Variants in PHF8 observed in about 807,000 individuals in gnomAD.
The protein encoded by PHF8 is PHD finger protein 8, also known as histone lysine demethylase PHF8.
A neutral mutation model predicts 74.4 loss-of-function variants in PHF8; 9 were observed. The observed-to-expected ratio is 0.12, with a 90% CI of 0.07 to 0.21. PHF8 has a LOEUF of 0.21. Among genes scored for constraint, PHF8 ranks in the 10% least tolerant of loss-of-function variants. The probability of loss-of-function intolerance (pLI) is 1.00; values close to 1 mark genes in which losing one functional copy is unlikely to be tolerated. For missense variants in PHF8, 478 were observed against 816.6 expected, an observed-to-expected ratio of 0.59 and a Z score of 5.05; for synonymous variants, 311 against 316.6, an observed-to-expected ratio of 0.98 and a Z score of 0.19.
chrX:53,971,514 C>CA (rs1356625524), intron 18 of PHF8, among the ~76,000 whole-genome samples: 4 of 110,279 alleles, frequency 3.6e-5, no homozygotes, highest in Admixed American at 9.7e-5. Context: ...AAAAACCCTT[C>CA]AAAAAAACAA....
intron 18 of PHF8, among the ~76,000 whole-genome samples, chrX:53,965,170 C>A (rs1214925224): frequency 9.0e-6 from 1 of 111,684 alleles, no homozygotes; most frequent in Non-Finnish European, 1.9e-5. Context: ...CGTGTGCACA[C>A]ACACACACGC....
At chrX:53,974,565 C>A (rs1188794359) in intron 18 of PHF8, among the ~76,000 whole-genome samples, 1 of 111,479 alleles carries the variant, frequency 9.0e-6, no homozygotes, top group African/African-American at 3.3e-5. Context: ...TGGATATATA[C>A]CCAAAGGAAT....
chrX:54,020,532 GAAC>G (rs1202149042), intron 4 of PHF8, among the ~76,000 whole-genome samples: 8 of 111,109 alleles, frequency 7.2e-5, no homozygotes, highest in African/African-American at 2.6e-4. Flanking sequence ...GCAAGATACA[GAAC>G]AATATATAGT....
rs1430317794 is a variant in PHF8, at chrX:54,011,878, AAAAG to A, written c.784-598_784-595del. On this transcript the variant is annotated intron_variant, in intron 7 of 21. Coordinates refer to ENST00000338154, the MANE Select transcript of PHF8 (RefSeq NM_015107.3). ...ATAATTTGGCAAAAAAAAAAAAAAAAAAAGAAAGAAACAAAAACCCAGTAGCACA... is the reference window on the plus strand; with the variant it reads ...ATAATTTGGCAAAAAAAAAAAAAAAAAAAGAAACAAAAACCCAGTAGCACA... 7.3e-5 allele frequency among the ~76,000 whole-genome samples: 8 copies of A among 109,961 alleles called. No individual in the cohort carries two copies. The East Asian group carries it at 1.1e-3, about 15-fold the overall frequency.
At position 53,938,118 on chromosome X, in the gene PHF8, G is replaced by A; in HGVS notation, c.*1040C>T. ...AGTCCTGAGGTCTTCTTCAGACCAA[G>A]ACCTCAGGTGGAGAAAGAAGCATGA... On this transcript the variant is annotated 3_prime_UTR_variant, in exon 22 of 22. Coordinates refer to ENST00000338154, the MANE Select transcript of PHF8 (RefSeq NM_015107.3). The A allele has an allele frequency of 8.7e-7, 1 of 1,148,905 alleles. No individual in the cohort carries two copies. Among genetic ancestry groups the A allele is most frequent in the Non-Finnish European group, 1.2e-6 (1 of 863,621 alleles). 94.7% of individuals were successfully genotyped at this position (1,148,905 alleles called of 1,213,427 possible).
intron 6 of PHF8, 73 bp downstream of exon 6, chrX:54,016,522 G>A (rs1032074888): frequency 2.1e-5 from 17 of 794,478 alleles, no homozygotes; most frequent in East Asian, 1.3e-4. Context: ...AGAGAAACAC[G>A]AATATACACT....
upstream of PHF8, among the ~76,000 whole-genome samples, chrX:54,046,301 A>C (rs1332875816): frequency 3.6e-5 from 4 of 110,858 alleles, no homozygotes; most frequent in Non-Finnish European, 7.6e-5. Flanking sequence ...TAAGAAAAAA[A>C]TAGCCGGGCG....
At chrX:53,956,527 T>C (rs2065015589) in intron 19 of PHF8, among the ~76,000 whole-genome samples, 1 of 111,881 alleles carries the variant, frequency 8.9e-6, no homozygotes, top group Admixed American at 9.6e-5. Flanking sequence ...ACATTAGATA[T>C]TTAAAAATTA....
Position 53,945,769 on chromosome X carries a change from C to G in PHF8, c.2540-1526G>C, listed in dbSNP as rs781981681. Among the ~76,000 whole-genome samples the G allele has an allele frequency of 7.2e-5, 8 of 111,292 alleles. No individual in the cohort carries two copies. In the South Asian group the frequency reaches 3.1e-3, roughly 43 times the overall value. On this transcript the variant is annotated intron_variant, in intron 19 of 21. Transcript: ENST00000338154. The stretch of plus-strand genomic sequence containing the variant: ...CTATCTTCCTTTTTGTCTGCCTATT[C>G]AAAACCTACCCATTCTTTAAGGTAA...
At chrX:53,997,989 C>T (rs2065773196) in intron 11 of PHF8, among the ~76,000 whole-genome samples, 1 of 112,133 alleles carries the variant, frequency 8.9e-6, no homozygotes. Flanking sequence ...TCACAGTATA[C>T]ACAGGAAAGG....
chrX:54,012,635 A>C (rs1557107016), intron 7 of PHF8, among the ~76,000 whole-genome samples: 1 of 111,402 alleles, frequency 9.0e-6, no homozygotes, highest in East Asian at 2.8e-4. Context: ...TGTCTCTACA[A>C]AAAATAAAGT....
chrX:54,015,160 CTCT>C (rs1335815192), intron 6 of PHF8, among the ~76,000 whole-genome samples: 2 of 24,807 alleles, frequency 8.1e-5, no homozygotes, highest in East Asian at 2.6e-3. Context: ...CTAGTTTTCT[CTCT>C]TTTTTTTTTG....
chrX:54,033,530 C>T (rs1449744545), intron 2 of PHF8, among the ~76,000 whole-genome samples: 12 of 111,013 alleles, frequency 1.1e-4, no homozygotes, highest in African/African-American at 2.9e-4. Context: ...CTGGCCAACA[C>T]GGTGAAACCC....
intron 19 of PHF8, among the ~76,000 whole-genome samples, chrX:53,961,349 C>A (rs1471604424): frequency 1.9e-5 from 2 of 103,091 alleles, no homozygotes; most frequent in African/African-American, 7.1e-5. Flanking sequence ...TTCCCCGAGA[C>A]GGAGTTTCCC....
intron 20 of PHF8, 118 bp from the exon 21 acceptor site, chrX:53,940,634 C>G: frequency 1.9e-6 from 1 of 529,839 alleles, no homozygotes; most frequent in African/African-American, 2.3e-5. Context: ...TCTCCCTTAC[C>G]TGCACCAAGT....
chrX:54,007,190 GACA>G (rs1416098130), intron 8 of PHF8, among the ~76,000 whole-genome samples: 12 of 111,314 alleles, frequency 1.1e-4, no homozygotes, highest in Non-Finnish European at 1.9e-4. Context: ...AAGGTTCTGG[GACA>G]ACTAGAACTA....
At position 54,042,781 on chromosome X, in the gene PHF8, G is replaced by A. The variant is rs2066582622; in HGVS notation, c.-53C>T. On this transcript the variant is annotated 5_prime_UTR_variant, in exon 2 of 22. Transcript: ENST00000338154. ...GCCGGCCAGGTTCGTCGTGTCAAGA[G>A]GGGCGGGAGGCGGCAGCACGCGTCC... The A allele has an allele frequency of 8.5e-7, 1 of 1,182,486 alleles. No individual in the cohort carries two copies. Among genetic ancestry groups the A allele is most frequent in the Admixed American group, 2.4e-5 (1 of 42,427 alleles).
intron 18 of PHF8, among the ~76,000 whole-genome samples, chrX:53,984,023 A>C (rs147352525): frequency 8.9e-6 from 1 of 112,838 alleles, no homozygotes; most frequent in African/African-American, 3.2e-5. Flanking sequence ...ATCTTCTTCT[A>C]ATTTTGGTCA....
chrX:53,968,754 C>CA (rs1267167443), intron 18 of PHF8, among the ~76,000 whole-genome samples: 3 of 110,994 alleles, frequency 2.7e-5, no homozygotes, highest in African/African-American at 9.8e-5. Context: ...ACTAAAAATA[C>CA]AAAAAATTAG....
Sources: allele counts gnomAD v4.1 joint callset (sites outside exome capture counted in the v4.1 genomes callset), GRCh38; gene constraint gnomAD v4.1.1; transcripts MANE v1.5; gene names NCBI Gene and HGNC (gene_info 2026-07-23, HGNC 2026-07-21).